Variants in PPP1R42 observed in about 807,000 individuals in gnomAD.
The protein encoded by PPP1R42 is leucine rich repeat containing 67.
PPP1R42 carries 34 observed loss-of-function variants against 31.0 expected under a neutral mutation model. The ratio of observed to expected loss-of-function variants is 1.10; its 90% CI spans 0.83 to 1.46. The LOEUF (loss-of-function observed/expected upper bound fraction) is 1.46. Ranked by LOEUF, PPP1R42 falls within the 40% of genes most tolerant of loss-of-function variation. The pLI is 0.00. For synonymous variants in PPP1R42, 103 were observed against 109.8 expected (o/e 0.94, Z 0.39); for missense variants, 268 against 303.0 (o/e 0.88, Z 0.86).
At chr8:66,965,622 T>C (rs1814358618) in intron 7 of PPP1R42, among the ~76,000 whole-genome samples, 1 of 151,934 alleles carries the variant, frequency 6.6e-6, no homozygotes, top group Middle Eastern at 3.2e-3. Context: ...CTTAACGTTA[T>C]AAGAATATGT....
intron 6 of PPP1R42, chr8:66,988,056 G>T: frequency 1.3e-6 from 1 of 744,158 alleles, no homozygotes; most frequent in Non-Finnish European, 1.6e-6. Flanking sequence ...AGAACCAAGA[G>T]CTAAGGAGTC....
chr8:66,993,052 A>C (rs532199096), intron 5 of PPP1R42, among the ~76,000 whole-genome samples: 19 of 152,312 alleles, frequency 1.2e-4, no homozygotes, highest in South Asian at 2.1e-4. Flanking sequence ...AAAACTCATT[A>C]TCTCTCAAAC....
chr8:67,009,889 A>T (rs1430173543), intron 5 of PPP1R42, among the ~76,000 whole-genome samples: 1 of 152,220 alleles, frequency 6.6e-6, no homozygotes, highest in East Asian at 1.9e-4. Context: ...AGTAGTTCTG[A>T]AAACAAAAGC....
chr8:66,998,244 G>T (rs1815389810), intron 5 of PPP1R42, among the ~76,000 whole-genome samples: 1 of 152,066 alleles, frequency 6.6e-6, no homozygotes, highest in African/African-American at 2.4e-5. Context: ...AATATTTTGT[G>T]TTTTTATTGT....
chr8:66,983,094 T>C (rs1391597685), intron 6 of PPP1R42, among the ~76,000 whole-genome samples: 2 of 152,076 alleles, frequency 1.3e-5, no homozygotes, highest in African/African-American at 2.4e-5. Context: ...ATACAAATAA[T>C]TTTTGCAAGT....
chr8:67,027,878 A>AACAG (rs1377989019), intron 1 of PPP1R42, among the ~76,000 whole-genome samples: 1 of 151,738 alleles, frequency 6.6e-6, no homozygotes, highest in Admixed American at 6.6e-5. Context: ...CACCGGTGGG[A>AACAG]ACAGCTTAGA....
At chr8:67,002,720 GC>G (rs1050330123) in intron 5 of PPP1R42, among the ~76,000 whole-genome samples, 9 of 132,836 alleles carry the variant, frequency 6.8e-5, no homozygotes, top group African/African-American at 2.0e-4. Flanking sequence ...TGTTGCCCCC[GC>G]TTTTTTTTTT....
Position 67,013,096 on chromosome 8 carries a change from C to T in PPP1R42, c.297G>A (p.Leu99=). ...CAGCAATGTAATTGCCTCCCAGATA[C>T]CTGCAAAACATAGACATAATTCTAA... ...NLRSLKKLEK[L]YLGGNYIAVI... The change falls in exon 4 of 8, where the codon CTG becomes CTA. Residue 99 remains leucine, a splice_region_variant and synonymous_variant. Transcript: ENST00000685739. The T allele has an allele frequency of 6.3e-7, 1 of 1,588,720 alleles. No individual in the cohort carries two copies. Among genetic ancestry groups the T allele is most frequent in the Non-Finnish European group, 8.5e-7 (1 of 1,171,236 alleles).
chr8:66,992,532 C>T (rs987262131), intron 5 of PPP1R42, among the ~76,000 whole-genome samples: 1 of 152,180 alleles, frequency 6.6e-6, no homozygotes, highest in Non-Finnish European at 1.5e-5. Context: ...TTCCAGAGAG[C>T]GAGAGCTCTC....
intron 5 of PPP1R42, among the ~76,000 whole-genome samples, chr8:67,008,564 T>A (rs746259442): frequency 6.6e-6 from 1 of 151,906 alleles, no homozygotes; most frequent in Non-Finnish European, 1.5e-5. Flanking sequence ...AAAAATTAGC[T>A]GGGCGTGGTG....
intron 5 of PPP1R42, among the ~76,000 whole-genome samples, chr8:67,007,588 C>T (rs1815724629): frequency 6.6e-6 from 1 of 152,168 alleles, no homozygotes; most frequent in Non-Finnish European, 1.5e-5. Flanking sequence ...CTCAAGTGAT[C>T]GGCCTGCCTC....
chr8:66,971,706 G>T (rs1814543079), intron 7 of PPP1R42, among the ~76,000 whole-genome samples: 1 of 152,190 alleles, frequency 6.6e-6, no homozygotes. Flanking sequence ...GCTAAAAGAT[G>T]TGAGTATAAT....
chr8:67,028,152 C>G (rs1458867364), intron 1 of PPP1R42, among the ~76,000 whole-genome samples: 1 of 152,110 alleles, frequency 6.6e-6, no homozygotes, highest in Non-Finnish European at 1.5e-5. Flanking sequence ...TCAGTGGCTT[C>G]CAGATGCTCT....
At chr8:66,984,403 A>G in intron 6 of PPP1R42, 1 of 1,312,656 alleles carries the variant, frequency 7.6e-7, no homozygotes, top group Middle Eastern at 1.9e-4. Context: ...AAGATGCTTC[A>G]ATTTCTTCTG....
At chr8:67,005,842 GT>G (rs1269891254) in intron 5 of PPP1R42, among the ~76,000 whole-genome samples, 63 of 144,638 alleles carry the variant, frequency 4.4e-4, no homozygotes, top group South Asian at 1.1e-3. Context: ...ATAGAGAATT[GT>G]TTTTTTTTTT....
intron 1 of PPP1R42, among the ~76,000 whole-genome samples, chr8:67,020,206 TTGTTG>T (rs1474794449): frequency 1.3e-5 from 2 of 152,038 alleles, no homozygotes; most frequent in African/African-American, 4.8e-5. Flanking sequence ...GTTGTTGTTG[TTGTTG>T]TTTTTTTTGA....
chr8:67,022,592 C>T (rs1415245990), intron 1 of PPP1R42, among the ~76,000 whole-genome samples: 4 of 151,830 alleles, frequency 2.6e-5, no homozygotes, highest in African/African-American at 9.7e-5. Context: ...TTAATAACTC[C>T]TTCCCTACCT....
intron 5 of PPP1R42, among the ~76,000 whole-genome samples, chr8:67,009,214 G>T (rs574070783): frequency 3.6e-4 from 55 of 152,070 alleles, no homozygotes; most frequent in Non-Finnish European, 7.2e-4. Flanking sequence ...AGGTTTCAGT[G>T]ACCCAAGATC....
At chr8:66,989,102 G>C (rs939779120) in intron 5 of PPP1R42, among the ~76,000 whole-genome samples, 1 of 152,002 alleles carries the variant, frequency 6.6e-6, no homozygotes, top group Non-Finnish European at 1.5e-5. Flanking sequence ...AGGGACTTTC[G>C]GGAGGGTACA....
Sources: gnomAD v4.1 joint callset for allele counts (sites outside exome capture counted in the v4.1 genomes callset) on GRCh38, gnomAD v4.1.1 for gene constraint, MANE v1.5 for transcripts, NCBI Gene and HGNC (gene_info 2026-07-23, HGNC 2026-07-21) for gene names.